The following RBFOX1 variants were observed in gnomAD, a reference collection of about 807,000 sequenced individuals.
RBFOX1 encodes the protein RNA binding fox-1 homolog 1.
Under a neutral mutation model 57.7 loss-of-function variants are expected in RBFOX1, and 8 were observed. The ratio of observed to expected loss-of-function variants is 0.14; its 90% CI spans 0.08 to 0.25. RBFOX1 has a LOEUF of 0.25. Among genes scored for constraint, RBFOX1 ranks in the 10% least tolerant of loss-of-function variants. The pLI, the probability that RBFOX1 is intolerant of heterozygous loss-of-function variation, is 1.00. For missense variants in RBFOX1, 611 were observed against 548.5 expected (o/e 1.11, Z -1.14); for synonymous variants, 326 against 222.4 (o/e 1.47, Z -4.15).
intron 3 of RBFOX1, among the ~76,000 whole-genome samples, chr16:6,756,744 G>C (rs189142835): frequency 6.6e-6 from 1 of 152,134 alleles, no homozygotes; most frequent in East Asian, 1.9e-4. Flanking sequence ...GGCTGAGGCA[G>C]GGGGGTCATG....
intron 4 of RBFOX1, among the ~76,000 whole-genome samples, chr16:7,086,197 A>T (rs924444394): frequency 2.6e-5 from 4 of 152,034 alleles, no homozygotes; most frequent in Admixed American, 1.3e-4. Context: ...TCCACAGTTT[A>T]CCTAATGCTT....
At chr16:6,958,987 GAATT>G (rs1409566957) in intron 3 of RBFOX1, among the ~76,000 whole-genome samples, 3 of 152,090 alleles carry the variant, frequency 2.0e-5, no homozygotes, top group Non-Finnish European at 4.4e-5. Flanking sequence ...ATAAGATTTT[GAATT>G]AATTATAAGG....
At chr16:5,346,831 AT>A (rs2065150951) in intron 1 of RBFOX1, among the ~76,000 whole-genome samples, 1 of 152,148 alleles carries the variant, frequency 6.6e-6, no homozygotes, top group African/African-American at 2.4e-5. Context: ...CAGTGTTCCC[AT>A]CTGCAAAGTG....
chr16:7,656,911 A>C (rs572585348), intron 12 of RBFOX1, among the ~76,000 whole-genome samples: 1 of 152,284 alleles, frequency 6.6e-6, no homozygotes, highest in African/African-American at 2.4e-5. Context: ...AAGTCCAAAC[A>C]TTTCCTAAAT....
chr16:7,583,707 A>T, intron 6 of RBFOX1, among the ~76,000 whole-genome samples: 1 of 151,994 alleles, frequency 6.6e-6, no homozygotes, highest in East Asian at 1.9e-4. Flanking sequence ...GCCAGGCATG[A>T]TGGTGGCTTA....
chr16:6,493,810 A>G (rs1013131546), intron 2 of RBFOX1, among the ~76,000 whole-genome samples: 2 of 152,226 alleles, frequency 1.3e-5, no homozygotes, highest in Admixed American at 1.3e-4. Context: ...GGCAGATTTC[A>G]CTTCCTTTAA....
intron 2 of RBFOX1, among the ~76,000 whole-genome samples, chr16:5,493,333 A>G (rs2042895933): frequency 6.6e-6 from 1 of 152,154 alleles, no homozygotes; most frequent in South Asian, 2.1e-4. Context: ...TGGCCTCCCA[A>G]AGTCCTATGA....
chr16:6,918,623 C>G (rs1165062279), intron 3 of RBFOX1, among the ~76,000 whole-genome samples: 1 of 152,108 alleles, frequency 6.6e-6, no homozygotes, highest in African/African-American at 2.4e-5. Flanking sequence ...AAATCTCATA[C>G]CCTTCTCAGT....
At position 6,896,435 on chromosome 16, in the gene RBFOX1, C is replaced by G. The variant is rs560235627; in HGVS notation, c.-15-155622C>G. Among the ~76,000 whole-genome samples the G allele has an allele frequency of 1.4e-3, 208 of 152,082 alleles. 1 individual carries two copies. The highest frequency in any genetic ancestry group is 1.7e-3 in the South Asian group (8 of 4,810). On this transcript the variant is annotated intron_variant, in intron 3 of 15. Coordinates refer to ENST00000550418, the MANE Select transcript of RBFOX1 (RefSeq NM_018723.4). ...CATCCCTACTTTCCCCTCTTTCAGC[C>G]CTGGTAACTATCCTTCTACTGTCTA... is the stretch of plus-strand genomic sequence containing the variant.
intron 2 of RBFOX1, among the ~76,000 whole-genome samples, chr16:6,473,079 T>G (rs2095215215): frequency 6.6e-6 from 1 of 152,288 alleles, no homozygotes; most frequent in South Asian, 2.1e-4. Flanking sequence ...CCTCTCCCTA[T>G]GTACCCCTAG....
chr16:7,541,009 C>T (rs1303721942), intron 5 of RBFOX1, among the ~76,000 whole-genome samples: 1 of 152,166 alleles, frequency 6.6e-6, no homozygotes, highest in Non-Finnish European at 1.5e-5. Flanking sequence ...AAGTGAGAGA[C>T]ACATTAGATA....
chr16:7,246,916 C>G (rs1036836775), intron 4 of RBFOX1, among the ~76,000 whole-genome samples: 3 of 152,126 alleles, frequency 2.0e-5, no homozygotes, highest in Non-Finnish European at 4.4e-5. Flanking sequence ...CCCTAAACCT[C>G]AATTTTCCCA....
chr16:6,971,290 G>T (rs1211564882), intron 3 of RBFOX1, among the ~76,000 whole-genome samples: 2 of 152,154 alleles, frequency 1.3e-5, no homozygotes, highest in Non-Finnish European at 2.9e-5. Context: ...TATGTAAGCT[G>T]AGATAGGAAA....
chr16:6,924,781 T>C (rs2075217770), intron 3 of RBFOX1, among the ~76,000 whole-genome samples: 1 of 151,494 alleles, frequency 6.6e-6, no homozygotes, highest in Non-Finnish European at 1.5e-5. Context: ...GCTGCACCCA[T>C]TAACTTGTCA....
chr16:5,576,890 G>A (rs2046474213), intron 2 of RBFOX1, among the ~76,000 whole-genome samples: 1 of 152,232 alleles, frequency 6.6e-6, no homozygotes, highest in African/African-American at 2.4e-5. Context: ...ATTGGATGCT[G>A]AGGAGTTATT....
intron 3 of RBFOX1, among the ~76,000 whole-genome samples, chr16:7,033,856 C>G (rs574502237): frequency 7.2e-5 from 11 of 152,260 alleles, no homozygotes; most frequent in African/African-American, 2.6e-4. Flanking sequence ...GTGGGCCCAG[C>G]TACTCAGGAG....
chr16:6,901,334 T>C (rs1458220207), intron 3 of RBFOX1, among the ~76,000 whole-genome samples: 3 of 152,180 alleles, frequency 2.0e-5, no homozygotes, highest in Admixed American at 2.0e-4. Flanking sequence ...CAACAGAAGT[T>C]TCAACCTGGA....
intron 14 of RBFOX1, among the ~76,000 whole-genome samples, chr16:7,686,961 G>C (rs1432543271): frequency 2.6e-5 from 4 of 152,058 alleles, no homozygotes; most frequent in Non-Finnish European, 4.4e-5. Context: ...ACTGGGGAGA[G>C]ATTCACAGAC....
At chr16:6,487,965 T>C (rs1345448280) in intron 2 of RBFOX1, among the ~76,000 whole-genome samples, 2 of 151,974 alleles carry the variant, frequency 1.3e-5, no homozygotes, top group African/African-American at 4.8e-5. Flanking sequence ...TAACCTGGTT[T>C]GAATTAACTT....
Sources: allele counts gnomAD v4.1 joint callset (sites outside exome capture counted in the v4.1 genomes callset), GRCh38; gene constraint gnomAD v4.1.1; transcripts MANE v1.5; gene names NCBI Gene and HGNC (gene_info 2026-07-23, HGNC 2026-07-21).